MOCOS: variants seen among roughly 807,000 people sequenced by gnomAD.
MOCOS encodes the protein human molybdenum cofactor sulfurase.
MOCOS carries 86 observed loss-of-function variants against 83.6 expected under a neutral mutation model. That is an observed-to-expected ratio of 1.03 (90% CI 0.86 to 1.23). MOCOS has a LOEUF of 1.23. MOCOS is among the 50% of genes most tolerant of loss of function. The pLI, the probability that MOCOS is intolerant of heterozygous loss-of-function variation, is 0.00. For synonymous variants in MOCOS, 445 were observed against 434.7 expected (o/e 1.02, Z -0.29); for missense variants, 1,120 against 1,126.9 (o/e 0.99, Z 0.09).
chr18:36,233,903 T>C (rs1225671907), intron 9 of MOCOS, among the ~76,000 whole-genome samples: 1 of 51,418 alleles, frequency 1.9e-5, no homozygotes, highest in Non-Finnish European at 3.6e-5. Flanking sequence ...GTTGCTGATT[T>C]GTTTGAGTTC....
chr18:36,251,080 A>G (rs2091619904), intron 10 of MOCOS, 79 bp from the exon 11 acceptor site: 2 of 1,509,362 alleles, frequency 1.3e-6, no homozygotes, highest in African/African-American at 1.4e-5. Flanking sequence ...TTATTTTGTA[A>G]CCAAACTTTT....
chr18:36,195,742 A>C (rs573956977), intron 2 of MOCOS, among the ~76,000 whole-genome samples: 1 of 152,362 alleles, frequency 6.6e-6, no homozygotes, highest in African/African-American at 2.4e-5. Flanking sequence ...CAGTGCTATA[A>C]TGGGAACAAA....
chr18:36,195,599 C>CA (rs1374760331), intron 2 of MOCOS, among the ~76,000 whole-genome samples: 1 of 152,126 alleles, frequency 6.6e-6, no homozygotes, highest in African/African-American at 2.4e-5. Context: ...AGGAAGGGCA[C>CA]AGAGATTCAA....
chr18:36,198,999 G>C (rs1207954869), intron 3 of MOCOS, among the ~76,000 whole-genome samples: 1 of 152,202 alleles, frequency 6.6e-6, no homozygotes, highest in African/African-American at 2.4e-5. Flanking sequence ...CAGCTGTTCT[G>C]TGTGGCTCCA....
At chr18:36,231,424 C>T (rs961156851) in intron 9 of MOCOS, among the ~76,000 whole-genome samples, 2 of 152,126 alleles carry the variant, frequency 1.3e-5, no homozygotes, top group African/African-American at 4.8e-5. Flanking sequence ...TATTAACATA[C>T]ATTAATTATT....
intron 9 of MOCOS, among the ~76,000 whole-genome samples, chr18:36,233,018 GTTA>G (rs928503781): frequency 1.3e-5 from 2 of 151,804 alleles, no homozygotes; most frequent in African/African-American, 2.4e-5. Flanking sequence ...CCTCTCCTTC[GTTA>G]TTATTATTAT....
chr18:36,200,662 G>A (rs1429893007), intron 4 of MOCOS, among the ~76,000 whole-genome samples: 1 of 152,222 alleles, frequency 6.6e-6, no homozygotes, highest in Non-Finnish European at 1.5e-5. Context: ...ACTGACAAGA[G>A]GTTGCAACAG....
At position 36,200,307 on chromosome 18, in the gene MOCOS, G is replaced by A. The variant is rs543765136; in HGVS notation, c.924G>A (p.Arg308=). Residue 308 remains arginine (R), a synonymous_variant, in exon 4 of 15, where the codon AGG becomes AGA. Coordinates refer to ENST00000261326, the MANE Select transcript of MOCOS (RefSeq NM_017947.4). The part of the protein sequence containing the change: ...YLAGEDFYIP[R]QSVAQRFEDG... ...CAGGAGAAGACTTCTACATCCCGAG[G>A]CAGTCGGTAGCTCAGAGGTAACCTT... is the stretch of plus-strand genomic sequence containing the variant. 2.4e-5 allele frequency: 39 copies of A among 1,613,988 alleles called. No homozygotes were observed. In the South Asian group the frequency reaches 4.0e-4, roughly 16 times the overall value.
At chr18:36,200,441 T>C in intron 4 of MOCOS, 117 bp downstream of exon 4, 1 of 1,333,880 alleles carries the variant, frequency 7.5e-7, no homozygotes, top group Non-Finnish European at 1.0e-6. Context: ...GAATTCAGGT[T>C]GCTGGCAGGG....
intron 6 of MOCOS, among the ~76,000 whole-genome samples, chr18:36,209,125 C>A (rs2091445066): frequency 2.0e-5 from 3 of 151,264 alleles, no homozygotes; most frequent in Admixed American, 1.3e-4. Context: ...ACCAGCTTTG[C>A]ATCCCAGGAA....
intron 4 of MOCOS, among the ~76,000 whole-genome samples, chr18:36,202,393 G>A (rs1214720739): frequency 6.6e-6 from 1 of 152,126 alleles, no homozygotes; most frequent in East Asian, 1.9e-4. Context: ...GAGATGGGGT[G>A]TTGCACAGGC....
At chr18:36,207,626 C>A (rs957359345) in intron 6 of MOCOS, among the ~76,000 whole-genome samples, 3 of 152,024 alleles carry the variant, frequency 2.0e-5, no homozygotes, top group Non-Finnish European at 4.4e-5. Context: ...ATGTTCTTTG[C>A]CCATTTTTAA....
intron 9 of MOCOS, among the ~76,000 whole-genome samples, chr18:36,234,658 C>T (rs948014043): frequency 3.3e-5 from 5 of 152,128 alleles, no homozygotes; most frequent in African/African-American, 1.2e-4. Flanking sequence ...TCTAGCCATC[C>T]ATGAGCATTA....
At chr18:36,192,101 G>T (rs1384834563) in intron 1 of MOCOS, among the ~76,000 whole-genome samples, 1 of 152,192 alleles carries the variant, frequency 6.6e-6, no homozygotes, top group Non-Finnish European at 1.5e-5. Flanking sequence ...TTGTACTGAA[G>T]GCTCTAGCCA....
In MOCOS at chr18:36,199,755, C is replaced by T; in HGVS notation, c.372C>T (p.Leu124=). Residue 124 remains leucine, a synonymous_variant, in exon 4 of 15, where the codon CTC becomes CTT. Transcript: ENST00000261326. ...TCACTGCCGGGAGCACGGCTGCTCTCAAACTGGTGGCAGAGGCCTTTCCAT... is the reference window on the plus strand; with the variant it reads ...TCACTGCCGGGAGCACGGCTGCTCTTAAACTGGTGGCAGAGGCCTTTCCAT... ...VIFTAGSTAA[L]KLVAEAFPWV... 1 of 1,614,166 alleles carries T rather than the reference C, an allele frequency of 6.2e-7. No homozygotes were observed. The highest frequency in any genetic ancestry group is 8.5e-7 in the Non-Finnish European group (1 of 1,180,042).
chr18:36,257,813 G>A (rs1013920268), intron 12 of MOCOS, among the ~76,000 whole-genome samples: 1 of 152,124 alleles, frequency 6.6e-6, no homozygotes, highest in Non-Finnish European at 1.5e-5. Flanking sequence ...GTGAACTGGG[G>A]GTCCTGTGAC....
At position 36,213,033 on chromosome 18, in the gene MOCOS, A is replaced by T. The variant is rs373430285; in HGVS notation, c.1219-333A>T. ...TCTGTGATTAAACCGAAAGTTGGAG[A>T]AAGTAGGAAAAGCAAATCAATTATA... On this transcript the variant is annotated intron_variant, in intron 6 of 14. Coordinates refer to ENST00000261326, the MANE Select transcript of MOCOS (RefSeq NM_017947.4). Among the ~76,000 whole-genome samples the T allele has an allele frequency of 4.6e-5, 7 of 152,262 alleles. No homozygotes were observed. The East Asian group carries it at 1.4e-3, about 29-fold the overall frequency.
At chr18:36,218,547 C>T (rs970188307) in intron 8 of MOCOS, among the ~76,000 whole-genome samples, 14 of 152,128 alleles carry the variant, frequency 9.2e-5, no homozygotes, top group African/African-American at 3.4e-4. Flanking sequence ...TGGGATCTCA[C>T]TCTGTCTCCC....
intron 1 of MOCOS, among the ~76,000 whole-genome samples, chr18:36,193,304 C>T (rs1294478369): frequency 2.1e-5 from 2 of 95,576 alleles, no homozygotes; most frequent in East Asian, 3.5e-4. Context: ...GGCGACAGAG[C>T]GAGACTCCGT....
Sources: allele counts gnomAD v4.1 joint callset (sites outside exome capture counted in the v4.1 genomes callset), GRCh38; gene constraint gnomAD v4.1.1; transcripts MANE v1.5; gene names NCBI Gene and HGNC (gene_info 2026-07-23, HGNC 2026-07-21).